PITPNM3: variants seen among roughly 807,000 people sequenced by gnomAD.
PITPNM3 encodes the protein PITPNM family member 3.
In PITPNM3, 26 loss-of-function variants were observed where a neutral mutation model predicts 102.0. That is an observed-to-expected ratio of 0.25 (90% CI 0.19 to 0.35). The LOEUF (loss-of-function observed/expected upper bound fraction) is 0.35, where lower values mean the gene tolerates loss of function less well. Among genes scored for constraint, PITPNM3 ranks in the 10% least tolerant of loss-of-function variants. PITPNM3 has a pLI of 1.00. For missense variants in PITPNM3, 1,083 were observed against 1,346.1 expected, an observed-to-expected ratio of 0.80 and a Z score of 3.06; for synonymous variants, 578 against 558.6, an observed-to-expected ratio of 1.03 and a Z score of -0.49.
At chr17:6,465,187 C>G (rs1412010800) in intron 14 of PITPNM3, among the ~76,000 whole-genome samples, 1 of 152,248 alleles carries the variant, frequency 6.6e-6, no homozygotes, top group South Asian at 2.1e-4. Flanking sequence ...GCTGGGATTA[C>G]AGGCATGCGC....
chr17:6,463,142 G>T (rs1904556413), intron 17 of PITPNM3, among the ~76,000 whole-genome samples: 1 of 152,148 alleles, frequency 6.6e-6, no homozygotes, highest in Non-Finnish European at 1.5e-5. Context: ...AGGAGCCCAG[G>T]AGCCAGGCCC....
chr17:6,455,528 G>A lies in PITPNM3; in HGVS notation c.2735C>T (p.Ala912Val), dbSNP rs570165186. The A allele has an allele frequency of 1.1e-5, 18 of 1,605,158 alleles. No homozygotes were observed. The East Asian group carries it at 3.4e-4, about 30-fold the overall frequency. The change falls in exon 20 of 20, where the codon GCG becomes GTG. Residue 912 changes from alanine (A) to valine (V), a missense_variant. Ala to Val is a moderately conservative substitution (Grantham distance 64, BLOSUM62 0). Transcript: ENST00000262483. ...ILRKGSFGLH[A>V]QPEFLRKRNH... ...GCGCTTCCGCAGGAACTCTGGCTGC[G>A]CGTGCAGCCCGAAGCTGCCCTTGCG...
rs1213740248 is a variant in PITPNM3, at chr17:6,556,204, CG to C, written c.22+180del. 2.6e-5 allele frequency among the ~76,000 whole-genome samples: 4 copies of C among 151,736 alleles called. No individual in the cohort carries two copies. Among genetic ancestry groups the C allele is most frequent in the Non-Finnish European group, 5.9e-5 (4 of 67,862 alleles). ...GAGGTGACCGGGGGCGCAGGAAGGACGGGGGGCGCGCGGAGCCCCCTCTCCA... is the reference window on the plus strand; with the variant it reads ...GAGGTGACCGGGGGCGCAGGAAGGACGGGGGCGCGCGGAGCCCCCTCTCCA... On this transcript the variant is annotated intron_variant, in intron 1 of 19. Coordinates refer to ENST00000262483, the MANE Select transcript of PITPNM3 (RefSeq NM_031220.4). This position sits in a 1 kb window ranked among gnomAD's most constrained non-coding sequence, Gnocchi z 5.2.
At chr17:6,491,980 G>T (rs1906518360) in intron 4 of PITPNM3, among the ~76,000 whole-genome samples, 1 of 150,750 alleles carries the variant, frequency 6.6e-6, no homozygotes, top group Non-Finnish European at 1.5e-5. Flanking sequence ...TTTCTCTAAG[G>T]AGTCCATATT....
chr17:6,528,629 C>G (rs1908975037), intron 2 of PITPNM3, among the ~76,000 whole-genome samples: 2 of 152,088 alleles, frequency 1.3e-5, no homozygotes, highest in African/African-American at 2.4e-5. Context: ...CCCTCTCACT[C>G]TCTGCTTTAT....
intron 3 of PITPNM3, among the ~76,000 whole-genome samples, chr17:6,505,024 A>G (rs570022304): frequency 6.6e-6 from 1 of 151,852 alleles, no homozygotes; most frequent in East Asian, 1.9e-4. Context: ...AAATACAAAA[A>G]CTAGCCAGGC....
At chr17:6,474,335 C>A (rs1905196601) in intron 10 of PITPNM3, 97 bp downstream of exon 10, 3 of 1,474,538 alleles carry the variant, frequency 2.0e-6, no homozygotes, top group Admixed American at 1.8e-5. Context: ...ACCCTCCCTG[C>A]CCCTGTCCCC....
intron 3 of PITPNM3, among the ~76,000 whole-genome samples, chr17:6,523,361 C>G (rs972823142): frequency 3.9e-5 from 6 of 152,288 alleles, no homozygotes; most frequent in Middle Eastern, 3.4e-3. Flanking sequence ...TGTGACTTTT[C>G]CTGACCACAC....
intron 4 of PITPNM3, among the ~76,000 whole-genome samples, chr17:6,499,262 T>C (rs1196811142): frequency 1.3e-5 from 2 of 152,182 alleles, no homozygotes; most frequent in Non-Finnish European, 2.9e-5. Flanking sequence ...TGGGGCTGCC[T>C]GGCAGCCACA....
intron 1 of PITPNM3, among the ~76,000 whole-genome samples, chr17:6,539,123 G>A (rs1345559525): frequency 6.6e-6 from 1 of 152,216 alleles, no homozygotes; most frequent in African/African-American, 2.4e-5. Context: ...AGCACATTCT[G>A]AGACATCAAA....
chr17:6,549,376 A>G (rs356043), intron 1 of PITPNM3, among the ~76,000 whole-genome samples: 76,667 of 152,094 alleles, frequency 0.5, 19,609 homozygotes, highest in East Asian at 0.66. Flanking sequence ...GCCCAATCTG[A>G]GCTGTGGCCC....
At chr17:6,464,924 C>T (rs1904682709) in intron 14 of PITPNM3, among the ~76,000 whole-genome samples, 153 bp from the exon 15 acceptor site, 1 of 152,214 alleles carries the variant, frequency 6.6e-6, no homozygotes. Flanking sequence ...GATGTGTTCC[C>T]AGGGAACGTG....
Position 6,455,342 on chromosome 17 carries a change from G to A in PITPNM3, c.2921C>T (p.Pro974Leu). The A allele has an allele frequency of 6.3e-7, 1 of 1,575,952 alleles. No individual in the cohort carries two copies. Among genetic ancestry groups the A allele is most frequent in the Non-Finnish European group, 8.6e-7 (1 of 1,162,952 alleles). The change falls in exon 20 of 20, where the codon CCC (proline) becomes CTC (leucine). Residue 974 changes from proline to leucine, a missense_variant. Around this residue, in one of 5 missense-constraint regions of PITPNM3, gnomAD observed 208 missense variants for 178.2 expected, o/e 1.17. Transcript: ENST00000262483. ...ARGPPKFESV[P>L] ...GCTCTGAGCACAGCCCACCCCTCAG[G>A]GCACCGACTCGAACTTGGGGGGCCC... is the stretch of plus-strand genomic sequence containing the variant.
intron 2 of PITPNM3, among the ~76,000 whole-genome samples, chr17:6,535,790 G>A (rs1597410207): frequency 6.6e-6 from 1 of 151,756 alleles, no homozygotes; most frequent in Admixed American, 6.6e-5. Flanking sequence ...AGGTATGGTG[G>A]TGCCTGCCTG....
rs1914162386 is a variant in PITPNM3, at chr17:6,457,477, A to G, written c.2619+117T>C. 6.6e-7 allele frequency: 1 copy of G among 1,517,294 alleles called. No homozygotes were observed. The allele number at this position is 1,517,294 out of a possible 1,614,324, so 94.0% of individuals were successfully genotyped here. A position where few individuals can be genotyped will look rare whatever the true frequency, so the allele number is the denominator to read the frequency against. ...CCCCGAAGTGTTTGTTGAATAAATGAATGAGCAAATGGGGGAATGAACAAA... is the reference window on the plus strand; with the variant it reads ...CCCCGAAGTGTTTGTTGAATAAATGGATGAGCAAATGGGGGAATGAACAAA... On this transcript the variant is annotated intron_variant, in intron 19 of 19. Coordinates refer to ENST00000262483, the MANE Select transcript of PITPNM3 (RefSeq NM_031220.4). The surrounding 1 kb of genome is among the most constrained non-coding windows in gnomAD (Gnocchi z 4.7).
At chr17:6,536,051 G>A (rs1268951768) in intron 2 of PITPNM3, among the ~76,000 whole-genome samples, 3 of 146,196 alleles carry the variant, frequency 2.1e-5, no homozygotes, top group Admixed American at 1.4e-4. Flanking sequence ...GCTACAAAGC[G>A]AGACTCCATC....
At position 6,451,930 on chromosome 17, in the gene PITPNM3, G is replaced by A. The variant is rs1398318821; in HGVS notation, c.*3408C>T. On this transcript the variant is annotated 3_prime_UTR_variant, in exon 20 of 20. Transcript: ENST00000262483. ...TGGGAAAGTTGGTTGTTTAAGGCGGGGTCAGGGCACCCCTCCCGGGGCTGC... is the reference window on the plus strand; with the variant it reads ...TGGGAAAGTTGGTTGTTTAAGGCGGAGTCAGGGCACCCCTCCCGGGGCTGC... 3.3e-5 allele frequency: 5 copies of A among 151,500 alleles called. No homozygotes were observed. The East Asian group carries it at 9.7e-4, about 29-fold the overall frequency. 9.4% of individuals were successfully genotyped at this position (151,500 alleles called of 1,614,324 possible).
chr17:6,506,434 C>A (rs566190391), intron 3 of PITPNM3, among the ~76,000 whole-genome samples: 16 of 149,300 alleles, frequency 1.1e-4, no homozygotes, highest in Non-Finnish European at 1.9e-4. Context: ...TGCAATGGTG[C>A]GATTTCGGCT....
At chr17:6,518,210 AT>A (rs1375245887) in intron 3 of PITPNM3, among the ~76,000 whole-genome samples, 1 of 152,186 alleles carries the variant, frequency 6.6e-6, no homozygotes, top group African/African-American at 2.4e-5. Flanking sequence ...ATTCTTGTAC[AT>A]GGCTCTCAAC....
Sources: gnomAD v4.1 joint callset for allele counts (sites outside exome capture counted in the v4.1 genomes callset) on GRCh38, gnomAD v4.1.1 for gene constraint, gnomAD v4.1.1 regional missense constraint, Gnocchi (gnomAD v3.1) non-coding constraint, MANE v1.5 for transcripts, NCBI Gene and HGNC (gene_info 2026-07-23, HGNC 2026-07-21) for gene names.